SGMS1: variants seen among roughly 807,000 people sequenced by gnomAD.
SGMS1 encodes the protein sphingomyelin synthase 1.
Under a neutral mutation model 46.2 loss-of-function variants are expected in SGMS1, and 13 were observed. The ratio of observed to expected loss-of-function variants is 0.28; its 90% CI spans 0.18 to 0.45. SGMS1 has a LOEUF of 0.45. Ranked by LOEUF, SGMS1 falls within the 20% of genes least tolerant of loss-of-function variation. SGMS1 has a pLI of 1.00. For synonymous variants in SGMS1, 203 were observed against 187.8 expected (o/e 1.08, Z -0.66); for missense variants, 324 against 519.9 (o/e 0.62, Z 3.66).
chr10:50,507,899 A>T (rs1170484104), intron 3 of SGMS1, among the ~76,000 whole-genome samples: 3 of 152,204 alleles, frequency 2.0e-5, no homozygotes, highest in Non-Finnish European at 4.4e-5. Flanking sequence ...TTATGTTCCA[A>T]CCAGGGGTTC....
At chr10:50,385,648 A>C (rs1848671946) in intron 6 of SGMS1, among the ~76,000 whole-genome samples, 1 of 152,168 alleles carries the variant, frequency 6.6e-6, no homozygotes, top group Admixed American at 6.5e-5. Context: ...GGAACCTGAG[A>C]TCTGATTACA....
intron 5 of SGMS1, among the ~76,000 whole-genome samples, chr10:50,449,036 T>C (rs1301742677): frequency 6.6e-6 from 1 of 152,188 alleles, no homozygotes; most frequent in Non-Finnish European, 1.5e-5. Flanking sequence ...GAAATTTTTT[T>C]AGGTCTTTAA....
intron 6 of SGMS1, among the ~76,000 whole-genome samples, chr10:50,350,579 C>T (rs556250857): frequency 6.6e-6 from 1 of 152,276 alleles, no homozygotes; most frequent in African/African-American, 2.4e-5. Context: ...GGTCCCCGTG[C>T]TGTGTGCAGA....
At chr10:50,532,352 A>G (rs1486575136) in intron 2 of SGMS1, among the ~76,000 whole-genome samples, 1 of 151,826 alleles carries the variant, frequency 6.6e-6, no homozygotes, top group East Asian at 1.9e-4. Flanking sequence ...TCTCTCATCC[A>G]AGACCCTGAA....
At chr10:50,458,419 A>T (rs974351613) in intron 5 of SGMS1, among the ~76,000 whole-genome samples, 1 of 135,600 alleles carries the variant, frequency 7.4e-6, no homozygotes, top group Non-Finnish European at 1.5e-5. Context: ...GCAGTGGCAC[A>T]ATCTCGGCTC....
At chr10:50,619,112 G>A (rs921511539) in intron 1 of SGMS1, among the ~76,000 whole-genome samples, 13 of 151,852 alleles carry the variant, frequency 8.6e-5, no homozygotes, top group African/African-American at 2.7e-4. Flanking sequence ...CTGCCTGGGC[G>A]ACAGACCGAG....
chr10:50,605,107 G>GA (rs567765418), intron 1 of SGMS1, among the ~76,000 whole-genome samples: 212 of 150,244 alleles, frequency 1.4e-3, no homozygotes, highest in African/African-American at 4.8e-3. Flanking sequence ...AGCACCTACA[G>GA]ACATGTCACT....
chr10:50,620,170 T>A (rs1354188364), intron 1 of SGMS1, among the ~76,000 whole-genome samples: 1 of 152,240 alleles, frequency 6.6e-6, no homozygotes, highest in Non-Finnish European at 1.5e-5. Context: ...CACTCTCTCC[T>A]CCCTGACATC....
chr10:50,377,876 C>A (rs1300436331), intron 6 of SGMS1, among the ~76,000 whole-genome samples: 1 of 152,290 alleles, frequency 6.6e-6, no homozygotes, highest in Middle Eastern at 3.4e-3. Flanking sequence ...CTGCCTTCAC[C>A]TTCACATTGC....
chr10:50,349,185 T>G (rs1368758594), intron 6 of SGMS1, among the ~76,000 whole-genome samples: 1 of 152,214 alleles, frequency 6.6e-6, no homozygotes, highest in Non-Finnish European at 1.5e-5. Context: ...AATTATTCCT[T>G]CCTTAAAATA....
At chr10:50,608,765 A>T (rs17497064) in intron 1 of SGMS1, among the ~76,000 whole-genome samples, 67,500 of 151,838 alleles carry the variant, frequency 0.44, 15,993 homozygotes, top group East Asian at 0.68. Flanking sequence ...CTTTTTGTAG[A>T]CTTCCTATGA....
At chr10:50,562,234 T>G (rs965347188) in intron 2 of SGMS1, among the ~76,000 whole-genome samples, 5 of 152,116 alleles carry the variant, frequency 3.3e-5, no homozygotes, top group Non-Finnish European at 4.4e-5. Context: ...CAAAAATGGT[T>G]ATGTGATTAA....
intron 1 of SGMS1, among the ~76,000 whole-genome samples, chr10:50,606,079 T>C (rs943903089): frequency 5.3e-5 from 8 of 152,182 alleles, no homozygotes; most frequent in East Asian, 1.9e-4. Flanking sequence ...CAGCAAAAGA[T>C]AGAAGTAACC....
At position 50,307,328 on chromosome 10, in the gene SGMS1, T is replaced by C; in HGVS notation, c.1063-7A>G. ...GGGAAGCTTCCTTTAGCACCTAGGA[T>C]AACAAAGAAACATAAACACATTTCT... On this transcript the variant is annotated splice_region_variant and splice_polypyrimidine_tract_variant and intron_variant, in intron 10 of 10. Transcript: ENST00000361781. This position sits in a 1 kb window ranked among gnomAD's most constrained non-coding sequence, Gnocchi z 4.2. 2 of 1,607,232 alleles carry C rather than the reference T, an allele frequency of 1.2e-6. No homozygotes were observed. Among genetic ancestry groups the C allele is most frequent in the Non-Finnish European group, 1.7e-6 (2 of 1,176,904 alleles).
intron 2 of SGMS1, among the ~76,000 whole-genome samples, chr10:50,566,764 C>A (rs1838291466): frequency 6.6e-6 from 1 of 152,206 alleles, no homozygotes; most frequent in African/African-American, 2.4e-5. Context: ...CCCTGGCAGA[C>A]ACAAAATCTA....
At chr10:50,363,310 CA>C (rs967271046) in intron 6 of SGMS1, among the ~76,000 whole-genome samples, 85 of 152,050 alleles carry the variant, frequency 5.6e-4, no homozygotes, top group African/African-American at 1.9e-3. Context: ...CTGGCAGGCC[CA>C]AAACAAGGAG....
rs377402989 is a variant in SGMS1 at position 50,504,095 on chromosome 10, C to T, written c.-498+15736G>A. On this transcript the variant is annotated intron_variant, in intron 3 of 10. Coordinates refer to ENST00000361781, the MANE Select transcript of SGMS1 (RefSeq NM_147156.4). ...GCCTACATAAACAGTGCCCATAGCT[C>T]CTGTCTGAAAATTGAGACACAGTCT... Among the ~76,000 whole-genome samples, 3 of 152,294 alleles carry T rather than the reference C, an allele frequency of 2.0e-5. No individual in the cohort carries two copies. The East Asian group carries it at 5.8e-4, about 29-fold the overall frequency.
At chr10:50,546,877 A>T (rs1564428857) in intron 2 of SGMS1, among the ~76,000 whole-genome samples, 3 of 152,126 alleles carry the variant, frequency 2.0e-5, no homozygotes, top group African/African-American at 2.4e-5. Flanking sequence ...ATAATAATAA[A>T]AAAAAAGACC....
intron 3 of SGMS1, among the ~76,000 whole-genome samples, chr10:50,488,076 C>T (rs752281608): frequency 3.8e-4 from 57 of 151,650 alleles, no homozygotes; most frequent in Non-Finnish European, 6.6e-4. Context: ...AACAGTGGTG[C>T]GATCTTGGCT....
Sources: gnomAD v4.1 joint callset for allele counts (sites outside exome capture counted in the v4.1 genomes callset) on GRCh38, gnomAD v4.1.1 for gene constraint, Gnocchi (gnomAD v3.1) non-coding constraint, MANE v1.5 for transcripts, NCBI Gene and HGNC (gene_info 2026-07-23, HGNC 2026-07-21) for gene names.